AKT3: variants seen among roughly 807,000 people sequenced by gnomAD.
AKT3 encodes the protein RAC-gamma serine/threonine-protein kinase.
A neutral mutation model predicts 65.3 loss-of-function variants in AKT3; 15 were observed. The ratio of observed to expected loss-of-function variants is 0.23; its 90% CI spans 0.15 to 0.35. The LOEUF is 0.35. AKT3 is among the 10% of genes least tolerant of loss of function. The pLI is 1.00. For synonymous variants in AKT3, 206 were observed against 183.8 expected, an observed-to-expected ratio of 1.12 and a Z score of -0.98; for missense variants, 243 against 576.5, an observed-to-expected ratio of 0.42 and a Z score of 5.92.
rs148912180 is a variant in AKT3, at chr1:243,524,046, A to C, written c.1252-11620T>G. 1.2e-3 allele frequency among the ~76,000 whole-genome samples: 190 copies of C among 152,378 alleles called. 2 individuals carry two copies. Among genetic ancestry groups the C allele is most frequent in the African/African-American group, 4.5e-3 (186 of 41,594 alleles). On this transcript the variant is annotated intron_variant, in intron 12 of 13. Transcript: ENST00000673466. ...ACACCTAGGCCATATGGGATGGCCT[A>C]CTGCCCTAGGCTACAGCCCTGTACA...
chr1:243,802,773 CAA>C (rs1692454376), intron 2 of AKT3, among the ~76,000 whole-genome samples: 1 of 152,042 alleles, frequency 6.6e-6, no homozygotes, highest in Admixed American at 6.6e-5. Flanking sequence ...AGTTGGTTAC[CAA>C]AAGAGTTAGG....
At chr1:243,610,062 G>C (rs1017346710) in intron 8 of AKT3, among the ~76,000 whole-genome samples, 5 of 152,084 alleles carry the variant, frequency 3.3e-5, no homozygotes, top group African/African-American at 1.2e-4. Context: ...AGATTTCTAT[G>C]CCCTAGATAT....
At chr1:243,781,759 T>A (rs1054802719) in intron 2 of AKT3, among the ~76,000 whole-genome samples, 6 of 152,148 alleles carry the variant, frequency 3.9e-5, no homozygotes, top group Non-Finnish European at 7.4e-5. Flanking sequence ...ATAAGCAAAA[T>A]TCCAACAAGA....
intron 13 of AKT3, among the ~76,000 whole-genome samples, chr1:243,489,850 CAG>C (rs1665950618): frequency 1.3e-5 from 2 of 152,208 alleles, no homozygotes; most frequent in East Asian, 3.8e-4. Flanking sequence ...GGGCCACCAG[CAG>C]GGAAAAGGGA....
chr1:243,825,766 A>C (rs1694128787), intron 2 of AKT3, among the ~76,000 whole-genome samples: 1 of 152,162 alleles, frequency 6.6e-6, no homozygotes, highest in South Asian at 2.1e-4. Flanking sequence ...GAATAAAACT[A>C]ATTGAAATAA....
At chr1:243,822,133 C>T (rs1443192939) in intron 2 of AKT3, among the ~76,000 whole-genome samples, 1 of 152,176 alleles carries the variant, frequency 6.6e-6, no homozygotes, top group Non-Finnish European at 1.5e-5. Context: ...TCACTCAAAA[C>T]CACACAACTA....
chr1:243,637,547 G>C, intron 6 of AKT3, 64 bp downstream of exon 6: 1 of 1,378,398 alleles, frequency 7.3e-7, no homozygotes, highest in Non-Finnish European at 9.7e-7. Context: ...GTAAATTCAT[G>C]AGCCCACAAA....
chr1:243,831,811 C>T (rs536707045), intron 2 of AKT3, among the ~76,000 whole-genome samples: 2 of 152,160 alleles, frequency 1.3e-5, no homozygotes, highest in East Asian at 3.9e-4. Context: ...AGCCCCTCCC[C>T]CCCAACAAGA....
chr1:243,715,128 C>T (rs1686422954), intron 2 of AKT3, among the ~76,000 whole-genome samples: 1 of 151,886 alleles, frequency 6.6e-6, no homozygotes, highest in Non-Finnish European at 1.5e-5. Context: ...ACTAAGAGTC[C>T]CTACTAAAGC....
chr1:243,770,878 TGCCTG>T (rs1690138524), intron 2 of AKT3, among the ~76,000 whole-genome samples: 1 of 152,152 alleles, frequency 6.6e-6, no homozygotes, highest in Non-Finnish European at 1.5e-5. Context: ...AAACAGAGTC[TGCCTG>T]CTTCCAAAAG....
At chr1:243,824,458 T>A (rs1388982677) in intron 2 of AKT3, among the ~76,000 whole-genome samples, 1 of 152,076 alleles carries the variant, frequency 6.6e-6, no homozygotes, top group Non-Finnish European at 1.5e-5. Context: ...GAAACTATCA[T>A]CAGAGTGAAC....
Position 243,489,160 on chromosome 1 carries a change from G to T in AKT3, c.*7-710C>A, listed in dbSNP as rs1174595326. The T allele has an allele frequency of 2.5e-6, 4 of 1,610,158 alleles. No individual in the cohort carries two copies. The Admixed American group carries it at 5.0e-5, about 20-fold the overall frequency. On this transcript the variant is annotated intron_variant, in intron 13 of 13. Coordinates refer to the AKT3 transcript ENST00000336199. ...ACCCAGGTACTGTGCAGAACGCGGCGCAGGTGGGAGTCCTTGGGCGGGCGT... is the reference window on the plus strand; with the variant it reads ...ACCCAGGTACTGTGCAGAACGCGGCTCAGGTGGGAGTCCTTGGGCGGGCGT...
intron 8 of AKT3, among the ~76,000 whole-genome samples, chr1:243,600,186 C>A (rs908082626): frequency 6.6e-6 from 1 of 151,934 alleles, no homozygotes; most frequent in Non-Finnish European, 1.5e-5. Context: ...AAAACATATA[C>A]CATATTTATG....
At chr1:243,702,462 T>C (rs912244188) in intron 2 of AKT3, among the ~76,000 whole-genome samples, 4 of 152,182 alleles carry the variant, frequency 2.6e-5, no homozygotes, top group East Asian at 1.9e-4. Flanking sequence ...ATAGTTTTTA[T>C]CCACCAAAGG....
At chr1:243,610,876 T>G (rs1207316225) in intron 8 of AKT3, among the ~76,000 whole-genome samples, 4 of 152,258 alleles carry the variant, frequency 2.6e-5, no homozygotes, top group African/African-American at 9.6e-5. Context: ...CATATTGGGC[T>G]GTCTCATTCT....
chr1:243,652,846 T>A (rs1347110092), intron 4 of AKT3, among the ~76,000 whole-genome samples: 3 of 123,344 alleles, frequency 2.4e-5, no homozygotes, highest in Non-Finnish European at 3.4e-5. Context: ...CCAACAAAGA[T>A]CATAAGAGAC....
At chr1:243,490,521 T>C (rs1666145293) in intron 13 of AKT3, among the ~76,000 whole-genome samples, 1 of 152,232 alleles carries the variant, frequency 6.6e-6, no homozygotes, top group South Asian at 2.1e-4. Flanking sequence ...TATTCCAGGT[T>C]GTGTCACTGT....
chr1:243,769,754 A>G (rs1225624404), intron 2 of AKT3, among the ~76,000 whole-genome samples: 1 of 152,170 alleles, frequency 6.6e-6, no homozygotes, highest in Non-Finnish European at 1.5e-5. Context: ...CTTTCTTAAA[A>G]ATTGTTGTTT....
chr1:243,770,720 G>C (rs1484022354), intron 2 of AKT3, among the ~76,000 whole-genome samples: 3 of 140,156 alleles, frequency 2.1e-5, no homozygotes, highest in Non-Finnish European at 3.1e-5. Flanking sequence ...TAAGCCTGGA[G>C]ATTATTCTAA....
Sources: allele counts gnomAD v4.1 joint callset (sites outside exome capture counted in the v4.1 genomes callset), GRCh38; gene constraint gnomAD v4.1.1; transcripts MANE v1.5; gene names NCBI Gene and HGNC (gene_info 2026-07-23, HGNC 2026-07-21).